The following GATAD2A variants were observed in gnomAD, a reference collection of about 807,000 sequenced individuals.
The protein encoded by GATAD2A is transcriptional repressor p66-alpha.
In GATAD2A, 12 loss-of-function variants were observed where a neutral mutation model predicts 68.5. That is an observed-to-expected ratio of 0.18 (90% CI 0.11 to 0.28). The LOEUF (loss-of-function observed/expected upper bound fraction) is 0.28. Ranked by LOEUF, GATAD2A falls within the 10% of genes least tolerant of loss-of-function variation. The pLI is 1.00. For missense variants in GATAD2A, 755 were observed against 868.5 expected (o/e 0.87, Z 1.64); for synonymous variants, 410 against 375.3 (o/e 1.09, Z -1.07).
intron 1 of GATAD2A, among the ~76,000 whole-genome samples, chr19:19,422,556 A>C (rs1266773107): frequency 1.3e-5 from 2 of 152,096 alleles, no homozygotes; most frequent in Non-Finnish European, 2.9e-5. Flanking sequence ...AGGGCTGGGG[A>C]TAGTGGTGAG....
intron 1 of GATAD2A, among the ~76,000 whole-genome samples, chr19:19,414,314 CAAACAGG>C: frequency 6.6e-6 from 1 of 152,086 alleles, no homozygotes; most frequent in African/African-American, 2.4e-5. Flanking sequence ...ACACTGGGCA[CAAACAGG>C]AAACTGAGGC....
intron 1 of GATAD2A, among the ~76,000 whole-genome samples, chr19:19,386,926 A>G (rs2048473099): frequency 6.6e-6 from 1 of 151,386 alleles, no homozygotes; most frequent in Non-Finnish European, 1.5e-5. Flanking sequence ...CATCCTTTTG[A>G]GGGACCCCTG....
chr19:19,467,966 A>T (rs912311618), intron 2 of GATAD2A, among the ~76,000 whole-genome samples: 3 of 152,122 alleles, frequency 2.0e-5, no homozygotes, highest in Admixed American at 6.5e-5. Context: ...AACTTGTGTG[A>T]GTGTTTTATA....
At chr19:19,480,438 A>G (rs942929436) in intron 2 of GATAD2A, among the ~76,000 whole-genome samples, 3 of 152,224 alleles carry the variant, frequency 2.0e-5, no homozygotes, top group Non-Finnish European at 4.4e-5. Flanking sequence ...GGAAGCTCGT[A>G]CTTTATCACT....
upstream of GATAD2A, chr19:19,401,996 C>G (rs2049793850): frequency 6.6e-6 from 1 of 152,064 alleles, no homozygotes; most frequent in Non-Finnish European, 1.5e-5. Flanking sequence ...GGAGGCCTAG[C>G]TATTATTAGT....
At chr19:19,491,347 G>A (rs532065719) in intron 2 of GATAD2A, among the ~76,000 whole-genome samples, 2 of 152,198 alleles carry the variant, frequency 1.3e-5, no homozygotes, top group African/African-American at 4.8e-5. Context: ...GCCGTGGGCC[G>A]ACGGTGAAAA....
chr19:19,452,758 G>A (rs566155276), intron 1 of GATAD2A, among the ~76,000 whole-genome samples: 24 of 152,142 alleles, frequency 1.6e-4, no homozygotes, highest in Non-Finnish European at 2.9e-4. Context: ...CTTTGTTTTC[G>A]GACCTTGATT....
chr19:19,402,680 T>A (rs2049861593), upstream of GATAD2A: 1 of 143,328 alleles, frequency 7.0e-6, no homozygotes, highest in African/African-American at 2.6e-5. Flanking sequence ...AGAGCAAGAC[T>A]CTGTCTCATT....
chr19:19,471,254 A>C (rs1336830942), intron 2 of GATAD2A, among the ~76,000 whole-genome samples: 2 of 53,296 alleles, frequency 3.8e-5, no homozygotes, highest in Non-Finnish European at 6.8e-5. Context: ...GACTGTCTCA[A>C]AAAAAAAAAA....
chr19:19,484,062 C>T (rs1452240956), intron 2 of GATAD2A, among the ~76,000 whole-genome samples: 1 of 152,072 alleles, frequency 6.6e-6, no homozygotes, highest in African/African-American at 2.4e-5. Flanking sequence ...GCAGCCCCCA[C>T]GTCCAGGTTG....
intron 1 of GATAD2A, among the ~76,000 whole-genome samples, chr19:19,418,465 A>G (rs1433016206): frequency 6.6e-6 from 1 of 152,254 alleles, no homozygotes; most frequent in Non-Finnish European, 1.5e-5. Flanking sequence ...CAGCAGATGG[A>G]TGGAAGTTCG....
chr19:19,496,619 C>A (rs1398907355), intron 7 of GATAD2A, among the ~76,000 whole-genome samples: 1 of 152,212 alleles, frequency 6.6e-6, no homozygotes, highest in Non-Finnish European at 1.5e-5. Flanking sequence ...GGAGCCCATG[C>A]CGCCCTCCCG....
upstream of GATAD2A, among the ~76,000 whole-genome samples, chr19:19,403,342 CACTT>C (rs2146987879): frequency 6.6e-6 from 1 of 152,096 alleles, no homozygotes; most frequent in South Asian, 2.1e-4. Context: ...GATTCACTGT[CACTT>C]ACCATCTACC....
chr19:19,498,822 TG>T, intron 8 of GATAD2A, 100 bp downstream of exon 8: 3 of 1,071,890 alleles, frequency 2.8e-6, no homozygotes, highest in Non-Finnish European at 4.1e-6. Context: ...GGGGCAGGGC[TG>T]CCTAGCCAGG....
chr19:19,410,452 TG>T (rs1360054321), intron 1 of GATAD2A, among the ~76,000 whole-genome samples: 1 of 152,106 alleles, frequency 6.6e-6, no homozygotes, highest in Non-Finnish European at 1.5e-5. Context: ...GGTACAGGAT[TG>T]GGGAGAAATT....
At chr19:19,437,728 C>T (rs1427620572) in intron 1 of GATAD2A, among the ~76,000 whole-genome samples, 1 of 152,172 alleles carries the variant, frequency 6.6e-6, no homozygotes, top group Non-Finnish European at 1.5e-5. Flanking sequence ...GTGGTTCATC[C>T]ACATTGTAAG....
chr19:19,488,217 C>G (rs2059568688), intron 2 of GATAD2A, among the ~76,000 whole-genome samples: 1 of 152,248 alleles, frequency 6.6e-6, no homozygotes, highest in Admixed American at 6.5e-5. Flanking sequence ...GGGCCAGCCC[C>G]AAGCCCACCT....
chr19:19,482,437 G>A (rs931847608), intron 2 of GATAD2A, among the ~76,000 whole-genome samples: 1 of 152,186 alleles, frequency 6.6e-6, no homozygotes, highest in African/African-American at 2.4e-5. Flanking sequence ...TGAATTAGCA[G>A]CTGCCAGTCA....
chr19:19,401,689 A>G (rs2049769130), upstream of GATAD2A, among the ~76,000 whole-genome samples: 1 of 151,898 alleles, frequency 6.6e-6, no homozygotes, highest in Non-Finnish European at 1.5e-5. Context: ...GTCATCTTGT[A>G]TGTTGTCCAC....
Sources: gnomAD v4.1 joint callset for allele counts (sites outside exome capture counted in the v4.1 genomes callset) on GRCh38, gnomAD v4.1.1 for gene constraint, MANE v1.5 for transcripts, NCBI Gene and HGNC (gene_info 2026-07-23, HGNC 2026-07-21) for gene names.